The following HKDC1 variants were observed in gnomAD, a reference collection of about 807,000 sequenced individuals.
The protein encoded by HKDC1 is hexokinase HKDC1.
In HKDC1, 66 loss-of-function variants were observed where a neutral mutation model predicts 96.6. The observed-to-expected ratio is 0.68, with a 90% confidence interval of 0.56 to 0.84. The LOEUF is 0.84. Ranked by LOEUF, HKDC1 falls within the 40% of genes least tolerant of loss-of-function variation. HKDC1 has a pLI of 0.00. For synonymous variants in HKDC1, 466 were observed against 473.1 expected, an observed-to-expected ratio of 0.98 and a Z score of 0.20; for missense variants, 1,211 against 1,208.1, an observed-to-expected ratio of 1.00 and a Z score of -0.04.
In HKDC1 at chr10:69,233,023, T is replaced by G. The variant is rs1396449043; in HGVS notation, c.385T>G (p.Tyr129Asp). ...IRGNGTELFE[Y>D]VADCLADFMK... ...TTTCTCTTCTCTGCAGCTGTTTGAA[T>G]ATGTAGCTGACTGTCTGGCAGATTT... The change falls in exon 4 of 18, where the codon TAT (tyrosine) becomes GAT (aspartate). Residue 129 changes from tyrosine (Y) to aspartate (D), a missense_variant. Transcript: ENST00000354624. The G allele has an allele frequency of 5.0e-6, 8 of 1,614,098 alleles. No individual in the cohort carries two copies. Among genetic ancestry groups the G allele is most frequent in the Non-Finnish European group, 5.1e-6 (6 of 1,180,038 alleles).
chr10:69,248,496 G>A lies in HKDC1; in HGVS notation c.1338G>A (p.Glu446=). The A allele has an allele frequency of 1.2e-6, 2 of 1,610,602 alleles. No individual in the cohort carries two copies. Among genetic ancestry groups the A allele is most frequent in the South Asian group, 1.1e-5 (1 of 90,916 alleles). ...PSCDVRFLLS[E]SGSTKGAAMV... Reference sequence around the variant, plus strand: ...GTGATGTCCGCTTCCTCCTGTCAGAGAGTGGCAGCACCAAGGGGGCCGCCA... The same window carrying A: ...GTGATGTCCGCTTCCTCCTGTCAGAAAGTGGCAGCACCAAGGGGGCCGCCA... The change falls in exon 10 of 18, where the codon GAG becomes GAA. Residue 446 remains glutamate, a synonymous_variant. Transcript: ENST00000354624.
At chr10:69,225,161 C>T (rs550470562) in intron 1 of HKDC1, among the ~76,000 whole-genome samples, 9 of 152,154 alleles carry the variant, frequency 5.9e-5, no homozygotes, top group Non-Finnish European at 1.3e-4. Context: ...CCAACTGGGT[C>T]TCAAAAAACA....
chr10:69,243,485 T>A, intron 7 of HKDC1, 120 bp downstream of exon 7: 8 of 836,700 alleles, frequency 9.6e-6, no homozygotes, highest in Non-Finnish European at 1.4e-5. Flanking sequence ...ACTTTCTTTC[T>A]TTTTTTCTTT....
At position 69,267,250 on chromosome 10, in the gene HKDC1, C is replaced by G. The variant is rs1248601348; in HGVS notation, c.*493C>G. ...GGGATCTCATCTAACTTGTCCTTAA[C>G]TTGCCATGTTGACTTCAAACCTATT... On this transcript the variant is annotated 3_prime_UTR_variant, in exon 18 of 18. Transcript: ENST00000354624. The G allele has an allele frequency of 3.2e-6, 1 of 316,518 alleles. No homozygotes were observed. Among genetic ancestry groups the G allele is most frequent in the African/African-American group, 2.2e-5 (1 of 45,490 alleles). The allele number at this position is 316,518 out of a possible 1,614,324, so 19.6% of individuals were successfully genotyped here.
At chr10:69,265,428 C>T (rs1410134731) in intron 16 of HKDC1, 157 bp from the exon 17 acceptor site, 13 of 656,544 alleles carry the variant, frequency 2.0e-5, no homozygotes, top group Admixed American at 5.8e-5. Flanking sequence ...TCTTGAGTCT[C>T]GGCTTCTAAG....
In HKDC1 at chr10:69,238,368, C is replaced by CTTTTTTTTTTT. The variant is rs55819248; in HGVS notation, c.496-665_496-655dup. 9.8e-5 allele frequency among the ~76,000 whole-genome samples: 6 copies of CTTTTTTTTTTT among 61,378 alleles called. 1 individual carries two copies. Among genetic ancestry groups the CTTTTTTTTTTT allele is most frequent in the African/African-American group, 4.9e-4 (6 of 12,130 alleles). 40.3% of individuals were successfully genotyped at this position (61,378 alleles called of 152,430 possible). On this transcript the variant is annotated intron_variant, in intron 4 of 17. Coordinates refer to ENST00000354624, the MANE Select transcript of HKDC1 (RefSeq NM_025130.4). ...GCATGTATAATACACCAGGTATTTT[C>CTTTTTTTTTTT]TTTTTTTTTTTTTTTTTTTGAGACG...
rs777018497 is a variant in HKDC1, at chr10:69,243,220, A to G, written c.730A>G (p.Asn244Asp). Reference sequence around the variant, plus strand: ...TGCGTGTTACATGGAGGACATGAGCAACATTGACCTGGTGGAGGGCGACGA... The same window carrying G: ...TGCGTGTTACATGGAGGACATGAGCGACATTGACCTGGTGGAGGGCGACGA... ...TNACYMEDMS[N>D]IDLVEGDEGR... Residue 244 changes from asparagine (N) to aspartate (D), a missense_variant, in exon 7 of 18, where the codon AAC (asparagine) becomes GAC (aspartate). Transcript: ENST00000354624. The G allele has an allele frequency of 6.2e-6, 10 of 1,614,116 alleles. No homozygotes were observed. In the East Asian group the frequency reaches 2.2e-4, roughly 36 times the overall value.
intron 2 of HKDC1, among the ~76,000 whole-genome samples, chr10:69,227,699 CCTGTG>C (rs1843183780): frequency 6.6e-6 from 1 of 152,176 alleles, no homozygotes; most frequent in Non-Finnish European, 1.5e-5. Flanking sequence ...AGGAAGTATC[CCTGTG>C]CTGGGCTGGG....
At chr10:69,255,533 C>A (rs148959143) in intron 12 of HKDC1, among the ~76,000 whole-genome samples, 3 of 152,224 alleles carry the variant, frequency 2.0e-5, no homozygotes, top group Non-Finnish European at 4.4e-5. Context: ...CCTTCACCCC[C>A]CTGGCTTTCT....
chr10:69,252,973 C>CGT (rs57083436), intron 12 of HKDC1, among the ~76,000 whole-genome samples: 15,971 of 140,104 alleles, frequency 0.11, 1,259 homozygotes, highest in East Asian at 0.41. Flanking sequence ...CATCTCTAAA[C>CGT]GTGTGTGTGT....
Position 69,243,191 on chromosome 10 carries a change from C to G in HKDC1, c.701C>G (p.Thr234Ser), listed in dbSNP as rs755874155. The stretch of plus-strand genomic sequence containing the variant: ...CTGATCCCTGGTTCAGGAACTGGCA[C>G]CAATGCGTGTTACATGGAGGACATG... Reference protein sequence around the residue: ...CEVGVIIGTGTNACYMEDMSN... With the variant: ...CEVGVIIGTGSNACYMEDMSN... Residue 234 changes from threonine (T) to serine (S), a missense_variant, in exon 7 of 18, where the codon ACC becomes AGC. Thr to Ser is a moderately conservative substitution (Grantham distance 58, BLOSUM62 1). Coordinates refer to ENST00000354624, the MANE Select transcript of HKDC1 (RefSeq NM_025130.4). 1.2e-6 allele frequency: 2 copies of G among 1,614,080 alleles called. No individual in the cohort carries two copies. The highest frequency in any genetic ancestry group is 2.2e-5 in the East Asian group (1 of 44,894).
intron 15 of HKDC1, 107 bp from the exon 16 acceptor site, chr10:69,261,032 A>C: frequency 1.0e-6 from 1 of 973,150 alleles, no homozygotes; most frequent in Non-Finnish European, 1.6e-6. Context: ...TGGCAGAGCT[A>C]GGATCTGGAT....
In HKDC1 at chr10:69,232,815, T is replaced by A. The variant is rs145373338; in HGVS notation, c.278T>A (p.Leu93Gln). The A allele has an allele frequency of 2.5e-5, 41 of 1,613,972 alleles. No individual in the cohort carries two copies. In the African/African-American group the frequency reaches 5.3e-4, roughly 21 times the overall value. The change falls in exon 3 of 18, where the codon CTG becomes CAG. Residue 93 changes from leucine to glutamine, a missense_variant. Leu to Gln is a moderately radical substitution (Grantham distance 113). Transcript: ENST00000354624. The part of the protein sequence containing the change: ...LDLGGSKFRV[L>Q]KVQVAEEGKR... ...CTCGGAGGGTCCAAGTTCCGAGTGC[T>A]GAAGGTGCAAGTCGCTGAAGAGGGG...
chr10:69,250,435 GGTAA>G lies in HKDC1; in HGVS notation c.1716+3_1716+6del. Reference sequence around the variant, plus strand: ...AGATCATGCAGGGCACTGGTGAGGAGGTAAGTGCCAGGCAAGGCCTTTGGGCTCC... The same window carrying G: ...AGATCATGCAGGGCACTGGTGAGGAGGTGCCAGGCAAGGCCTTTGGGCTCC... On this transcript the variant is annotated splice_donor_variant and splice_donor_region_variant and intron_variant, in intron 11 of 17. Coordinates refer to ENST00000354624, the MANE Select transcript of HKDC1 (RefSeq NM_025130.4). LOFTEE classifies it high-confidence loss of function. The G allele has an allele frequency of 6.2e-7, 1 of 1,612,898 alleles. No homozygotes were observed. The highest frequency in any genetic ancestry group is 2.2e-5 in the East Asian group (1 of 44,826).
chr10:69,237,226 T>C (rs1843374855), intron 4 of HKDC1, among the ~76,000 whole-genome samples: 1 of 152,156 alleles, frequency 6.6e-6, no homozygotes, highest in African/African-American at 2.4e-5. Flanking sequence ...CACTTGGTTT[T>C]TTATTCTTGT....
At chr10:69,220,570 A>G (rs1189498893) in intron 1 of HKDC1, 72 bp downstream of exon 1, 3 of 1,151,540 alleles carry the variant, frequency 2.6e-6, no homozygotes, top group Non-Finnish European at 2.5e-6. Flanking sequence ...CCTTAAAAAA[A>G]AAATCAGAAG....
intron 12 of HKDC1, among the ~76,000 whole-genome samples, chr10:69,253,456 G>A (rs1383959651): frequency 6.6e-6 from 1 of 152,208 alleles, no homozygotes; most frequent in East Asian, 1.9e-4. Flanking sequence ...AAAACACAGT[G>A]TTCGAGAGCA....
Position 69,220,390 on chromosome 10 carries a change from G to A in HKDC1, c.-46G>A. The A allele has an allele frequency of 1.3e-6, 2 of 1,497,150 alleles. No individual in the cohort carries two copies. The highest frequency in any genetic ancestry group is 1.2e-5 in the South Asian group (1 of 80,262). The allele number at this position is 1,497,150 out of a possible 1,614,324, so 92.7% of individuals were successfully genotyped here. A position where few individuals can be genotyped will look rare whatever the true frequency, so the allele number is the denominator to read the frequency against. ...CTCCAGAGTCGTAGGAGTGAACACT[G>A]CACAGGAATCTCTGCCCATCTCAGG... On this transcript the variant is annotated 5_prime_UTR_variant, in exon 1 of 18. Coordinates refer to ENST00000354624, the MANE Select transcript of HKDC1 (RefSeq NM_025130.4).
chr10:69,227,095 T>A, intron 1 of HKDC1, 112 bp from the exon 2 acceptor site: 3 of 1,208,986 alleles, frequency 2.5e-6, no homozygotes. Context: ...CACATCTCAA[T>A]GCTGTCCCCA....
Sources: gnomAD v4.1 joint callset for allele counts (sites outside exome capture counted in the v4.1 genomes callset) on GRCh38, gnomAD v4.1.1 for gene constraint, MANE v1.5 for transcripts, NCBI Gene and HGNC (gene_info 2026-07-23, HGNC 2026-07-21) for gene names.